The following PPARG variants were observed in gnomAD, a reference collection of about 807,000 sequenced individuals.
The protein encoded by PPARG is peroxisome proliferator activated receptor gamma.
PPARG carries 17 observed loss-of-function variants against 39.2 expected under a neutral mutation model. The ratio of observed to expected loss-of-function variants is 0.43; its 90% confidence interval spans 0.30 to 0.65. PPARG has a LOEUF of 0.65. Among genes scored for constraint, PPARG ranks in the 30% least tolerant of loss-of-function variants. The pLI is 0.13. For synonymous variants in PPARG, 223 were observed against 215.7 expected, an observed-to-expected ratio of 1.03 and a Z score of -0.30; for missense variants, 406 against 585.9, an observed-to-expected ratio of 0.69 and a Z score of 3.17.
At chr3:12,322,680 G>T (rs1048869185) in intron 2 of PPARG, among the ~76,000 whole-genome samples, 2 of 152,214 alleles carry the variant, frequency 1.3e-5, no homozygotes, top group African/African-American at 4.8e-5. Context: ...ATCAAAGATT[G>T]AGGAATTTGG....
rs542349063 is a variant in PPARG, at chr3:12,381,725, A to C, written c.390+234A>C. 3.2e-5 allele frequency among the ~76,000 whole-genome samples: 4 copies of C among 124,502 alleles called. No homozygotes were observed. The East Asian group carries it at 9.9e-4, about 31-fold the overall frequency. 81.7% of individuals were successfully genotyped at this position (124,502 alleles called of 152,430 possible). A position where few individuals can be genotyped will look rare whatever the true frequency, so the allele number is the denominator to read the frequency against. ...CCCAAAGGATGATATAAGATTTGAA[A>C]GCCTAAGAAAGTGGATAAAAGTTGG... On this transcript the variant is annotated intron_variant, in intron 4 of 7. Transcript: ENST00000651735.
At chr3:12,369,391 C>A in intron 2 of PPARG, among the ~76,000 whole-genome samples, 1 of 152,016 alleles carries the variant, frequency 6.6e-6, no homozygotes, top group East Asian at 1.9e-4. Flanking sequence ...ACTTGGGAGG[C>A]TGAAGTTGGA....
At chr3:12,399,820 CA>C (rs36025945) in intron 5 of PPARG, among the ~76,000 whole-genome samples, 63 of 103,246 alleles carry the variant, frequency 6.1e-4, no homozygotes, top group East Asian at 1.3e-3. Flanking sequence ...CCATGTCTAC[CA>C]AAAAAAAAAA....
rs572859735 is a variant in PPARG, at chr3:12,310,624, C to T, written c.-82-1756C>T. 1.3e-3 allele frequency among the ~76,000 whole-genome samples: 158 copies of T among 124,498 alleles called. 26 individuals carry two copies. The highest frequency in any genetic ancestry group is 2.0e-3 in the Non-Finnish European group (117 of 58,056). The allele number at this position is 124,498 out of a possible 152,430, so 81.7% of individuals were successfully genotyped here. A position where few individuals can be genotyped will look rare whatever the true frequency, so the allele number is the denominator to read the frequency against. On this transcript the variant is annotated intron_variant, in intron 1 of 7. Transcript: ENST00000651735. ...GACTACAGGCGCCCGCCACTACGCC[C>T]GGCTAATTTTTTGTATTTTTAGTAG...
chr3:12,318,449 T>TA (rs2047448163), intron 2 of PPARG, among the ~76,000 whole-genome samples: 1 of 152,220 alleles, frequency 6.6e-6, no homozygotes, highest in Admixed American at 6.5e-5. Context: ...AATCAGTTTT[T>TA]AAAAAATATT....
chr3:12,341,965 A>G (rs1559500103), intron 2 of PPARG, among the ~76,000 whole-genome samples: 1 of 152,224 alleles, frequency 6.6e-6, no homozygotes, highest in Non-Finnish European at 1.5e-5. Context: ...TTGTAATACC[A>G]AAGTAACATT....
At chr3:12,310,036 C>A (rs1019545735) in intron 1 of PPARG, among the ~76,000 whole-genome samples, 3 of 152,160 alleles carry the variant, frequency 2.0e-5, no homozygotes, top group Non-Finnish European at 4.4e-5. Flanking sequence ...TGTCTACTCC[C>A]CCCAGAATGG....
intron 2 of PPARG, among the ~76,000 whole-genome samples, chr3:12,375,230 G>A (rs1282589364): frequency 2.6e-5 from 4 of 151,914 alleles, no homozygotes; most frequent in Non-Finnish European, 4.4e-5. Flanking sequence ...CTTTAAAAGT[G>A]AGGTTGGGGA....
chr3:12,331,222 A>C (rs1294904869), intron 2 of PPARG, among the ~76,000 whole-genome samples: 1 of 152,206 alleles, frequency 6.6e-6, no homozygotes, highest in African/African-American at 2.4e-5. Context: ...TGTAAGGGAG[A>C]GAAATGGCAG....
intron 2 of PPARG, among the ~76,000 whole-genome samples, chr3:12,335,998 C>T (rs905529885): frequency 1.4e-4 from 21 of 152,090 alleles, no homozygotes; most frequent in Non-Finnish European, 2.9e-4. Flanking sequence ...GCCTGTTGTC[C>T]TAGTGTGATT....
intron 5 of PPARG, among the ~76,000 whole-genome samples, chr3:12,396,141 A>G (rs2050249492): frequency 6.6e-6 from 1 of 151,286 alleles, no homozygotes; most frequent in South Asian, 2.1e-4. Flanking sequence ...TTTTTTTTTG[A>G]GATGGAGTCT....
At position 12,405,986 on chromosome 3, in the gene PPARG, C is replaced by G; in HGVS notation, c.634C>G (p.Leu212Val). 4 of 1,614,148 alleles carry G rather than the reference C, an allele frequency of 2.5e-6. No individual in the cohort carries two copies. The highest frequency in any genetic ancestry group is 3.4e-6 in the Non-Finnish European group (4 of 1,180,016). ...LNPESADLRALAKHLYDSYIK... is the reference protein window; with the variant it reads ...LNPESADLRAVAKHLYDSYIK... ...TCCAGAGTCCGCTGACCTCCGGGCC[C>G]TGGCAAAACATTTGTATGACTCATA... Residue 212 changes from leucine (L) to valine (V), a missense_variant, in exon 6 of 8, where the codon CTG becomes GTG. By Grantham distance (32) the Leu-to-Val change is conservative. Transcript: ENST00000651735.
Position 12,427,693 on chromosome 3 carries a change from G to A in PPARG, c.1181-6205G>A, listed in dbSNP as rs573913284. 2.1e-4 allele frequency among the ~76,000 whole-genome samples: 32 copies of A among 152,332 alleles called. 1 individual carries two copies. The highest frequency in any genetic ancestry group is 6.8e-3 in the Middle Eastern group (2 of 294). ...AAGAGAAACAGGACTCAAGTCTTCA[G>A]TTTCCCAATCCACTGCCTCCTAGAA... On this transcript the variant is annotated intron_variant, in intron 7 of 7. Coordinates refer to ENST00000651735, the MANE Select transcript of PPARG (RefSeq NM_138711.6).
chr3:12,385,290 A>G (rs1376961875), intron 4 of PPARG, among the ~76,000 whole-genome samples: 1 of 152,226 alleles, frequency 6.6e-6, no homozygotes, highest in Admixed American at 6.5e-5. Flanking sequence ...AACACAGCAT[A>G]AAACAACTTT....
intron 6 of PPARG, among the ~76,000 whole-genome samples, chr3:12,409,362 C>A (rs2050792426): frequency 6.6e-6 from 1 of 150,564 alleles, no homozygotes; most frequent in African/African-American, 2.4e-5. Flanking sequence ...CCTTATCTTG[C>A]AAAATCAAAT....
intron 1 of PPARG, among the ~76,000 whole-genome samples, chr3:12,290,428 T>A (rs929663373): frequency 6.6e-6 from 1 of 152,062 alleles, no homozygotes; most frequent in Non-Finnish European, 1.5e-5. Context: ...TTGAAAATAT[T>A]TTTGCGATTG....
At chr3:12,405,855 C>T in intron 5 of PPARG, 27 bp from the exon 6 acceptor site, 1 of 1,600,674 alleles carries the variant, frequency 6.2e-7, no homozygotes, top group Admixed American at 1.7e-5. Flanking sequence ...TCCAATGATT[C>T]ATCCTGTCAT....
At chr3:12,418,037 T>G (rs1362959324) in intron 7 of PPARG, among the ~76,000 whole-genome samples, 1 of 151,096 alleles carries the variant, frequency 6.6e-6, no homozygotes, top group Non-Finnish European at 1.5e-5. Flanking sequence ...TTCATAAAAG[T>G]AATACGTGGC....
intron 6 of PPARG, among the ~76,000 whole-genome samples, chr3:12,413,531 G>A (rs879895247): frequency 3.3e-5 from 5 of 152,148 alleles, no homozygotes; most frequent in East Asian, 1.9e-4. Flanking sequence ...GAATGGGGCC[G>A]GGCATGGTGG....
Sources: gnomAD v4.1 joint callset for allele counts (sites outside exome capture counted in the v4.1 genomes callset) on GRCh38, gnomAD v4.1.1 for gene constraint, MANE v1.5 for transcripts, NCBI Gene and HGNC (gene_info 2026-07-23, HGNC 2026-07-21) for gene names.